Variants in EPCAM observed in about 807,000 individuals in gnomAD.
EPCAM encodes the protein adenocarcinoma-associated antigen.
EPCAM carries 39 observed loss-of-function variants against 40.0 expected under a neutral mutation model. That is an observed-to-expected ratio of 0.98 (90% CI 0.76 to 1.27). EPCAM has a LOEUF of 1.27. Among genes scored for constraint, EPCAM ranks in the 50% most tolerant of loss-of-function variants. The pLI, the probability that EPCAM is intolerant of heterozygous loss-of-function variation, is 0.00. For synonymous variants in EPCAM, 168 were observed against 132.3 expected, an observed-to-expected ratio of 1.27 and a Z score of -1.85; for missense variants, 503 against 381.2, an observed-to-expected ratio of 1.32 and a Z score of -2.66.
intron 1 of EPCAM, among the ~76,000 whole-genome samples, chr2:47,373,024 G>T (rs558253551): frequency 1.3e-5 from 2 of 151,492 alleles, no homozygotes; most frequent in African/African-American, 2.4e-5. Flanking sequence ...TGGGCAACAT[G>T]GCGAAACCCC....
chr2:47,375,898 G>A (rs959106484), intron 4 of EPCAM, among the ~76,000 whole-genome samples: 8 of 152,072 alleles, frequency 5.3e-5, no homozygotes, highest in African/African-American at 1.9e-4. Flanking sequence ...TAGAAACAGG[G>A]TTTCACCATA....
intron 5 of EPCAM, among the ~76,000 whole-genome samples, chr2:47,378,386 T>C (rs1285273644): frequency 1.3e-5 from 2 of 151,572 alleles, no homozygotes. Context: ...ACCACGACTT[T>C]TGCCTCCCAG....
chr2:47,377,770 A>T (rs1229738789), intron 5 of EPCAM: 2 of 464,940 alleles, frequency 4.3e-6, no homozygotes. Context: ...TGGAGCTCCC[A>T]TCTTCTCTGC....
At chr2:47,375,601 G>A (rs1337533608) in intron 4 of EPCAM, among the ~76,000 whole-genome samples, 1 of 152,076 alleles carries the variant, frequency 6.6e-6, no homozygotes, top group Non-Finnish European at 1.5e-5. Context: ...AGAGCAAGTT[G>A]TAGACATCAG....
chr2:47,386,155 C>CA (rs1671738045), intron 8 of EPCAM, among the ~76,000 whole-genome samples: 1 of 152,152 alleles, frequency 6.6e-6, no homozygotes, highest in South Asian at 2.1e-4. Context: ...TGGTAGTTGT[C>CA]ATTATCATTG....
chr2:47,380,294 G>A (rs1332987132), intron 7 of EPCAM, among the ~76,000 whole-genome samples: 1 of 151,940 alleles, frequency 6.6e-6, no homozygotes, highest in Non-Finnish European at 1.5e-5. Flanking sequence ...TCCAGCCTGG[G>A]CAACACAGCA....
chr2:47,380,608 T>G (rs1358528780), intron 7 of EPCAM, among the ~76,000 whole-genome samples: 1 of 152,008 alleles, frequency 6.6e-6, no homozygotes, highest in African/African-American at 2.4e-5. Flanking sequence ...AACCACTCAA[T>G]AAGATGGAAC....
At chr2:47,375,760 C>T (rs1378597317) in intron 4 of EPCAM, among the ~76,000 whole-genome samples, 1 of 150,270 alleles carries the variant, frequency 6.7e-6, no homozygotes, top group Non-Finnish European at 1.5e-5. Flanking sequence ...GGCTGGCGTG[C>T]AGTGGCGTGA....
Position 47,373,323 on chromosome 2 carries a change from G to C in EPCAM, c.77-140G>C, listed in dbSNP as rs186022578. On this transcript the variant is annotated intron_variant, in intron 1 of 8. Transcript: ENST00000263735. ...GGCACTTAGGCAGTAGTCTATAGCT[G>C]AAAAATAAAACATTCAGAACCACTT... 8.0e-6 allele frequency: 5 copies of C among 622,874 alleles called. No individual in the cohort carries two copies. In the African/African-American group the frequency reaches 9.3e-5, roughly 12 times the overall value. 38.6% of individuals were successfully genotyped at this position (622,874 alleles called of 1,614,324 possible). A position where few individuals can be genotyped will look rare whatever the true frequency, so the allele number is the denominator to read the frequency against.
Position 47,383,305 on chromosome 2 carries a change from G to GGAAA in EPCAM, c.859-1861_859-1860insGAAA, listed in dbSNP as rs1305593102. The GGAAA allele has an allele frequency of 2.8e-4, 35 of 124,052 alleles. 1 individual carries two copies. Among genetic ancestry groups the GGAAA allele is most frequent in the African/African-American group, 9.9e-4 (34 of 34,318 alleles). 7.7% of individuals were successfully genotyped at this position (124,052 alleles called of 1,614,324 possible). A position where few individuals can be genotyped will look rare whatever the true frequency, so the allele number is the denominator to read the frequency against. On this transcript the variant is annotated intron_variant, in intron 7 of 8. Transcript: ENST00000263735. The stretch of plus-strand genomic sequence containing the variant: ...TGGGTGACAGAGCGAGACTCCATCT[G>GGAAA]AAAAAAAAAAAAAAAAGAAAAGGAG...
intron 5 of EPCAM, 151 bp downstream of exon 5, chr2:47,377,228 T>C: frequency 1.5e-6 from 1 of 683,102 alleles, no homozygotes; most frequent in Non-Finnish European, 2.7e-6. Flanking sequence ...TTCCTGTTAC[T>C]GTTTTTTTTT....
rs1301390998 is a variant in EPCAM, at chr2:47,383,630, T to C, written c.859-1536T>C. ...TTCTTTTTTTTTTTTTTTTTTTTTT[T>C]TTTTTTTTTTTTTTTTTTTTTTGAG... is the stretch of plus-strand genomic sequence containing the variant. On this transcript the variant is annotated intron_variant, in intron 7 of 8. Coordinates refer to ENST00000263735, the MANE Select transcript of EPCAM (RefSeq NM_002354.3). 6.8e-5 allele frequency among the ~76,000 whole-genome samples: 6 copies of C among 88,400 alleles called. 1 individual carries two copies. Among genetic ancestry groups the C allele is most frequent in the East Asian group, 3.7e-4 (1 of 2,670 alleles). 58.0% of individuals were successfully genotyped at this position (88,400 alleles called of 152,430 possible). A position where few individuals can be genotyped will look rare whatever the true frequency, so the allele number is the denominator to read the frequency against.
At chr2:47,370,962 C>T (rs1340761020) in intron 1 of EPCAM, among the ~76,000 whole-genome samples, 1 of 152,094 alleles carries the variant, frequency 6.6e-6, no homozygotes, top group Admixed American at 6.6e-5. Context: ...ATCCACCGAC[C>T]TTGGCCTCCC....
At chr2:47,378,237 C>G (rs1174010532) in intron 5 of EPCAM, among the ~76,000 whole-genome samples, 1 of 149,334 alleles carries the variant, frequency 6.7e-6, no homozygotes, top group Non-Finnish European at 1.5e-5. Context: ...GTCTCAAAAA[C>G]AAAACAAAAA....
At position 47,379,978 on chromosome 2, in the gene EPCAM, A is replaced by G; in HGVS notation, c.858+9A>G. 1 of 1,604,988 alleles carries G rather than the reference A, an allele frequency of 6.2e-7. No individual in the cohort carries two copies. Among genetic ancestry groups the G allele is most frequent in the Non-Finnish European group, 8.5e-7 (1 of 1,174,948 alleles). On this transcript the variant is annotated intron_variant, in intron 7 of 8. Transcript: ENST00000263735. ...CTGGAATTGTTGTGCTGGTGAGTAC[A>G]GAACAAGTAAAATTTCATTTAAGGG...
intron 7 of EPCAM, among the ~76,000 whole-genome samples, chr2:47,381,085 C>CAAA (rs60299402): frequency 5.1e-5 from 2 of 39,018 alleles, no homozygotes; most frequent in Non-Finnish European, 8.6e-5. Context: ...GACTCTGTCT[C>CAAA]AAAAAAAAAA....
At chr2:47,377,279 C>G (rs981028405) in intron 5 of EPCAM, among the ~76,000 whole-genome samples, 10 of 152,108 alleles carry the variant, frequency 6.6e-5, no homozygotes, top group African/African-American at 2.4e-4. Context: ...CTCTCTTCCC[C>G]AGGCTGGAGT....
chr2:47,382,205 G>A (rs1217471723), intron 7 of EPCAM, among the ~76,000 whole-genome samples: 1 of 152,116 alleles, frequency 6.6e-6, no homozygotes, highest in East Asian at 1.9e-4. Context: ...TATACAAAGA[G>A]TTCTTACAAA....
In EPCAM at chr2:47,381,318, C is replaced by G. The variant is rs58080795; in HGVS notation, c.858+1349C>G. On this transcript the variant is annotated intron_variant, in intron 7 of 8. Coordinates refer to ENST00000263735, the MANE Select transcript of EPCAM (RefSeq NM_002354.3). ...GGCTGAGGCAGGAGAATCACTTGAACCCAGGAGGTGGAGGTTGCAGCTGAG... is the reference window on the plus strand; with the variant it reads ...GGCTGAGGCAGGAGAATCACTTGAAGCCAGGAGGTGGAGGTTGCAGCTGAG... Among the ~76,000 whole-genome samples the G allele has an allele frequency of 7.2e-3, 1,070 of 149,514 alleles. 4 individuals carry two copies. The highest frequency in any genetic ancestry group is 0.01 in the Non-Finnish European group (688 of 67,734).
Sources: allele counts gnomAD v4.1 joint callset (sites outside exome capture counted in the v4.1 genomes callset), GRCh38; gene constraint gnomAD v4.1.1; transcripts MANE v1.5; gene names NCBI Gene and HGNC (gene_info 2026-07-23, HGNC 2026-07-21).